Variants in SOBP observed in about 807,000 individuals in gnomAD.
SOBP encodes the protein sine oculis binding protein homolog.
SOBP carries 4 observed loss-of-function variants against 53.6 expected under a neutral mutation model. The observed-to-expected ratio is 0.07, with a 90% CI of 0.04 to 0.17. The LOEUF (loss-of-function observed/expected upper bound fraction) is 0.17. Ranked by LOEUF, SOBP falls within the 10% of genes least tolerant of loss-of-function variation. The pLI is 1.00. For synonymous variants in SOBP, 584 were observed against 522.6 expected, an observed-to-expected ratio of 1.12 and a Z score of -1.60; for missense variants, 1,088 against 1,204.7, an observed-to-expected ratio of 0.90 and a Z score of 1.43.
intron 1 of SOBP, among the ~76,000 whole-genome samples, chr6:107,499,239 A>G (rs1225765874): frequency 6.6e-6 from 1 of 152,002 alleles, no homozygotes; most frequent in Non-Finnish European, 1.5e-5. Flanking sequence ...TTTAGTTTTG[A>G]CTTTACTAGA....
intron 5 of SOBP, among the ~76,000 whole-genome samples, chr6:107,614,939 G>A (rs117031019): frequency 5.8e-4 from 88 of 152,262 alleles, no homozygotes; most frequent in Non-Finnish European, 1.2e-3. Flanking sequence ...ATTTGTTTCC[G>A]TCTGGTTATA....
At chr6:107,584,024 T>G (rs1338183687) in intron 4 of SOBP, among the ~76,000 whole-genome samples, 1 of 152,110 alleles carries the variant, frequency 6.6e-6, no homozygotes, top group African/African-American at 2.4e-5. Flanking sequence ...TATATCCCCC[T>G]CTCATAGCAC....
intron 2 of SOBP, among the ~76,000 whole-genome samples, chr6:107,504,784 A>G (rs1782935531): frequency 6.6e-6 from 1 of 152,260 alleles, no homozygotes. Context: ...GTACATGACA[A>G]ATTTTATGTT....
At chr6:107,491,778 C>CT (rs1782587406) in intron 1 of SOBP, among the ~76,000 whole-genome samples, 1 of 152,148 alleles carries the variant, frequency 6.6e-6, no homozygotes, top group Non-Finnish European at 1.5e-5. Context: ...TACCAGGTGG[C>CT]TTAATACTAC....
rs757414105 is a variant in SOBP, at chr6:107,633,776, C to A, written c.932C>A (p.Ala311Asp). ...NIPLTDARRK[A>D]PSPVATAGQS... is the part of the protein sequence containing the mutation. ...CCGCTAACAGATGCTCGGAGGAAGG[C>A]CCCCTCCCCGGTGGCTACAGCTGGC... Residue 311 changes from alanine to aspartate, a missense_variant, in exon 6 of 7, where the codon GCC (alanine) becomes GAC (aspartate). Physicochemically the swap from Ala to Asp is moderately radical, Grantham distance 126 (BLOSUM62 -2). Transcript: ENST00000317357. 4 of 1,614,100 alleles carry A rather than the reference C, an allele frequency of 2.5e-6. No homozygotes were observed. The African/African-American group carries it at 5.3e-5, about 22-fold the overall frequency.
intron 3 of SOBP, among the ~76,000 whole-genome samples, chr6:107,523,945 G>T (rs1486165120): frequency 6.6e-6 from 1 of 152,234 alleles, no homozygotes; most frequent in Non-Finnish European, 1.5e-5. Flanking sequence ...ATCATACAGT[G>T]CCTGGCACGA....
chr6:107,544,604 G>A (rs1022096566), intron 4 of SOBP, among the ~76,000 whole-genome samples: 2 of 152,202 alleles, frequency 1.3e-5, no homozygotes, highest in Non-Finnish European at 2.9e-5. Context: ...GGATAAAGAG[G>A]TGTTAAGTAA....
chr6:107,647,620 C>A (rs1272120694), intron 6 of SOBP, among the ~76,000 whole-genome samples: 1 of 152,150 alleles, frequency 6.6e-6, no homozygotes, highest in Non-Finnish European at 1.5e-5. Flanking sequence ...TCCAGAAATT[C>A]TCATAAAATC....
At chr6:107,603,777 G>A (rs1786269349) in intron 5 of SOBP, among the ~76,000 whole-genome samples, 1 of 152,162 alleles carries the variant, frequency 6.6e-6, no homozygotes, top group Non-Finnish European at 1.5e-5. Context: ...AGACTCAGAG[G>A]GTGCCTGTGG....
chr6:107,629,583 G>A (rs1770614422), intron 5 of SOBP, among the ~76,000 whole-genome samples: 1 of 152,156 alleles, frequency 6.6e-6, no homozygotes, highest in Non-Finnish European at 1.5e-5. Flanking sequence ...CTCTCTTTCT[G>A]GGGAAATACA....
At chr6:107,630,149 A>G (rs78355402) in intron 5 of SOBP, among the ~76,000 whole-genome samples, 3 of 152,336 alleles carry the variant, frequency 2.0e-5, no homozygotes, top group South Asian at 2.1e-4. Flanking sequence ...GGGGGAAATC[A>G]TTCCAGAGCT....
At chr6:107,568,697 C>T (rs182112730) in intron 4 of SOBP, among the ~76,000 whole-genome samples, 3 of 152,276 alleles carry the variant, frequency 2.0e-5, no homozygotes, top group Admixed American at 2.0e-4. Context: ...TACCTTCTGC[C>T]CTTTTCCTCA....
At chr6:107,519,016 T>C (rs896026788) in intron 3 of SOBP, among the ~76,000 whole-genome samples, 2 of 151,666 alleles carry the variant, frequency 1.3e-5, no homozygotes, top group Non-Finnish European at 2.9e-5. Context: ...TGTATCATAG[T>C]GAAGCCTAAA....
intron 4 of SOBP, among the ~76,000 whole-genome samples, chr6:107,535,223 T>C (rs909314537): frequency 1.8e-4 from 27 of 152,318 alleles, no homozygotes; most frequent in Admixed American, 2.0e-4. Context: ...GACACCTGAT[T>C]CCATTTGGAA....
intron 1 of SOBP, among the ~76,000 whole-genome samples, chr6:107,498,940 T>C (rs1394605932): frequency 6.6e-6 from 1 of 152,190 alleles, no homozygotes; most frequent in African/African-American, 2.4e-5. Context: ...TCAGATGTAG[T>C]ATCAAAACAT....
intron 4 of SOBP, among the ~76,000 whole-genome samples, chr6:107,583,880 A>C (rs563355269): frequency 6.6e-6 from 1 of 152,238 alleles, no homozygotes. Context: ...CTGGTCGAGC[A>C]TGCTAAATCT....
In SOBP at chr6:107,633,671, G is replaced by A; in HGVS notation, c.827G>A (p.Cys276Tyr). ...CAGGCCAATCTTCCAGCTGGGCTGT[G>A]CAGCACATTACACCCTCCCATGGAA... The part of the protein sequence containing the change: ...ETQANLPAGL[C>Y]STLHPPMENK... Residue 276 changes from cysteine to tyrosine, a missense_variant, in exon 6 of 7, where the codon TGC becomes TAC. Transcript: ENST00000317357. 6.2e-7 allele frequency: 1 copy of A among 1,614,232 alleles called. No homozygotes were observed. The highest frequency in any genetic ancestry group is 8.5e-7 in the Non-Finnish European group (1 of 1,180,038).
intron 5 of SOBP, among the ~76,000 whole-genome samples, chr6:107,619,265 T>C (rs1333817608): frequency 1.3e-5 from 2 of 152,218 alleles, no homozygotes; most frequent in African/African-American, 2.4e-5. Flanking sequence ...GGCCCCATCT[T>C]ATGCATCCAA....
chr6:107,532,255 ACACACACACACACACAC>A lies in SOBP; in HGVS notation c.422-1186_422-1170del, dbSNP rs1345707903. On this transcript the variant is annotated intron_variant, in intron 3 of 6. Transcript: ENST00000317357. ...CTCTCTCTCTCTCACACACACACAC[ACACACACACACACACAC>A]CACACACACACACACACAGTCACTA... is the stretch of plus-strand genomic sequence containing the variant. 2.0e-5 allele frequency among the ~76,000 whole-genome samples: 3 copies of A among 150,578 alleles called. No individual in the cohort carries two copies. The East Asian group carries it at 5.8e-4, about 29-fold the overall frequency.
Sources: allele counts gnomAD v4.1 joint callset (sites outside exome capture counted in the v4.1 genomes callset), GRCh38; gene constraint gnomAD v4.1.1; transcripts MANE v1.5; gene names NCBI Gene and HGNC (gene_info 2026-07-23, HGNC 2026-07-21).